Variants in USP26 observed in about 807,000 individuals in gnomAD.
USP26 encodes ubiquitin specific peptidase 26.
For missense variants in USP26, 649 were observed against 642.3 expected, an observed-to-expected ratio of 1.01 and a Z score of -0.11; for synonymous variants, 236 against 240.6, an observed-to-expected ratio of 0.98 and a Z score of 0.18.
At chrX:133,056,822 T>C (rs1327340645) in intron 5 of USP26, among the ~76,000 whole-genome samples, 1 of 111,967 alleles carries the variant, frequency 8.9e-6, no homozygotes, top group Non-Finnish European at 1.9e-5. Flanking sequence ...GTGAAACATA[T>C]TAATTCAACA....
intron 5 of USP26, among the ~76,000 whole-genome samples, chrX:133,056,328 G>A (rs1411929293): frequency 1.8e-5 from 2 of 111,676 alleles, no homozygotes; most frequent in Non-Finnish European, 3.8e-5. Context: ...TAGGGAAGGT[G>A]TGATGACAAT....
At chrX:133,051,853 G>A (rs990469018) in intron 5 of USP26, among the ~76,000 whole-genome samples, 8 of 112,219 alleles carry the variant, frequency 7.1e-5, no homozygotes, top group Admixed American at 4.7e-4. Context: ...TATTCATATA[G>A]GGAAGAAGCC....
chrX:133,073,414 G>A (rs2067536692), intron 5 of USP26, among the ~76,000 whole-genome samples: 1 of 107,725 alleles, frequency 9.3e-6, no homozygotes, highest in Non-Finnish European at 1.9e-5. Flanking sequence ...TGCCCAATGA[G>A]TTCTCCAACT....
intron 5 of USP26, 111 bp downstream of exon 5, chrX:133,083,596 T>C (rs958898930): frequency 9.0e-6 from 1 of 111,690 alleles, no homozygotes; most frequent in African/African-American, 3.3e-5. Flanking sequence ...TGGTTCTAAT[T>C]AACACTCATA....
chrX:133,033,506 T>C (rs748003394), intron 5 of USP26, among the ~76,000 whole-genome samples: 1 of 112,446 alleles, frequency 8.9e-6, no homozygotes, highest in East Asian at 2.8e-4. Context: ...TTCATTCTTT[T>C]AAAATTATGC....
At chrX:133,070,803 G>A (rs960582666) in intron 5 of USP26, among the ~76,000 whole-genome samples, 1 of 111,815 alleles carries the variant, frequency 8.9e-6, no homozygotes, top group East Asian at 2.8e-4. Context: ...ATAGGTTTAA[G>A]ATGTCATCAT....
intron 5 of USP26, among the ~76,000 whole-genome samples, chrX:133,030,912 C>T: frequency 8.9e-6 from 1 of 111,866 alleles, no homozygotes; most frequent in Non-Finnish European, 1.9e-5. Context: ...GATTAATAAC[C>T]TCTAGAAGGG....
chrX:133,084,401 A>G (rs1321765687), intron 4 of USP26, among the ~76,000 whole-genome samples: 1 of 110,090 alleles, frequency 9.1e-6, no homozygotes, highest in Non-Finnish European at 1.9e-5. Flanking sequence ...GTCTAGCCAC[A>G]TTGCCCAGGC....
chrX:133,064,695 G>A (rs1325615158), intron 5 of USP26, among the ~76,000 whole-genome samples: 5 of 111,522 alleles, frequency 4.5e-5, no homozygotes, highest in South Asian at 3.8e-4. Flanking sequence ...AAGACACAAC[G>A]TACCAGAATC....
In USP26 at chrX:133,027,177, A is replaced by C. The variant is rs61758857; in HGVS notation, c.1044T>G (p.Phe348Leu). Reference protein sequence around the residue: ...LTMCLARLLFFKDTYNIEIKE... With the variant: ...LTMCLARLLFLKDTYNIEIKE... ...TGATTTCTATATTATAGGTATCTTTAAAAAAAAGTAGCCGTGCCAAGCACA... is the reference window on the plus strand; with the variant it reads ...TGATTTCTATATTATAGGTATCTTTCAAAAAAAGTAGCCGTGCCAAGCACA... The change falls in exon 6 of 6, where the codon TTT (phenylalanine) becomes TTG (leucine). Residue 348 changes from phenylalanine (F) to leucine (L), a missense_variant. By Grantham distance (22) the Phe-to-Leu change is conservative. Transcript: ENST00000511190. 2 of 1,207,264 alleles carry C rather than the reference A, an allele frequency of 1.7e-6. No individual in the cohort carries two copies. Among genetic ancestry groups the C allele is most frequent in the East Asian group, 3.0e-5 (1 of 33,799 alleles).
chrX:133,062,582 T>C (rs1410532036), intron 5 of USP26, among the ~76,000 whole-genome samples: 2 of 111,912 alleles, frequency 1.8e-5, no homozygotes, highest in Non-Finnish European at 3.8e-5. Context: ...CAATCTTTGC[T>C]ATTCTGTAGC....
At chrX:133,089,187 T>C (rs1350045743) in intron 4 of USP26, among the ~76,000 whole-genome samples, 2 of 110,938 alleles carry the variant, frequency 1.8e-5, no homozygotes, top group East Asian at 5.6e-4. Flanking sequence ...GAATAAAATA[T>C]GTGCTAACAG....
intron 4 of USP26, among the ~76,000 whole-genome samples, chrX:133,089,085 A>G (rs1028841375): frequency 9.1e-6 from 1 of 110,375 alleles, no homozygotes; most frequent in African/African-American, 3.3e-5. Context: ...TCAATGTGCT[A>G]TGTAACAGAC....
chrX:133,046,303 T>C (rs1387552309), intron 5 of USP26, among the ~76,000 whole-genome samples: 1 of 111,846 alleles, frequency 8.9e-6, no homozygotes, highest in African/African-American at 3.3e-5. Context: ...TGTGAGGGTA[T>C]TTTATATAGA....
At chrX:133,077,440 T>C (rs1018420004) in intron 5 of USP26, among the ~76,000 whole-genome samples, 1 of 111,925 alleles carries the variant, frequency 8.9e-6, no homozygotes, top group Admixed American at 9.5e-5. Flanking sequence ...ATGTAGCTTG[T>C]AGCTGCAGCT....
intron 5 of USP26, among the ~76,000 whole-genome samples, chrX:133,066,920 C>G (rs2067513776): frequency 8.9e-6 from 1 of 111,790 alleles, no homozygotes; most frequent in South Asian, 3.7e-4. Flanking sequence ...AAGAAACTAT[C>G]ATCAGAGTGA....
At chrX:133,031,914 A>T (rs1053760482) in intron 5 of USP26, among the ~76,000 whole-genome samples, 7 of 111,631 alleles carry the variant, frequency 6.3e-5, no homozygotes, top group Non-Finnish European at 5.6e-5. Context: ...GGGGAGGCTG[A>T]GGCAGATGGA....
At chrX:133,069,242 T>C (rs1225284982) in intron 5 of USP26, among the ~76,000 whole-genome samples, 1 of 112,052 alleles carries the variant, frequency 8.9e-6, no homozygotes, top group Non-Finnish European at 1.9e-5. Flanking sequence ...ATAATGGCAT[T>C]CCAAGAGAAG....
rs1451688554 is a variant in USP26, at chrX:133,026,121, T to C, written c.2100A>G (p.Lys700=). The C allele has an allele frequency of 3.3e-6, 4 of 1,208,675 alleles. No homozygotes were observed. The highest frequency in any genetic ancestry group is 3.0e-5 in the East Asian group (1 of 33,673). The change falls in exon 6 of 6, where the codon AAA becomes AAG. Residue 700 remains lysine, a synonymous_variant. Transcript: ENST00000511190. ...CTACAAACTTACTGGTTTTCACATATTTCTTTCGTTTTGGATTTTCGGGCA... is the reference window on the plus strand; with the variant it reads ...CTACAAACTTACTGGTTTTCACATACTTCTTTCGTTTTGGATTTTCGGGCA... The part of the protein sequence containing the change: ...QTVPENPKRK[K]YVKTSKFVAF...
Sources: gnomAD v4.1 joint callset for allele counts (sites outside exome capture counted in the v4.1 genomes callset) on GRCh38, gnomAD v4.1.1 for gene constraint, MANE v1.5 for transcripts, NCBI Gene and HGNC (gene_info 2026-07-23, HGNC 2026-07-21) for gene names.